Variants in DENND2C observed in about 807,000 individuals in gnomAD.
The protein encoded by DENND2C is DENN domain containing 2C, also known as DENN domain-containing protein 2C.
A neutral mutation model predicts 112.4 loss-of-function variants in DENND2C; 72 were observed. That is an observed-to-expected ratio of 0.64 (90% confidence interval 0.53 to 0.78). The LOEUF is 0.78. Among genes scored for constraint, DENND2C ranks in the 30% least tolerant of loss-of-function variants. DENND2C has a pLI of 0.00. For synonymous variants in DENND2C, 329 were observed against 381.6 expected, an observed-to-expected ratio of 0.86 and a Z score of 1.61; for missense variants, 992 against 1,113.8, an observed-to-expected ratio of 0.89 and a Z score of 1.56.
intron 8 of DENND2C, among the ~76,000 whole-genome samples, chr1:114,616,082 GAAAAGA>G (rs1655960700): frequency 2.7e-5 from 4 of 149,498 alleles, no homozygotes; most frequent in Admixed American, 1.3e-4. Context: ...CAAAAGAAAA[GAAAAGA>G]AAAAGAAAAA....
chr1:114,625,488 A>G lies in DENND2C; in HGVS notation c.497T>C (p.Leu166Ser). Reference sequence around the variant, plus strand: ...TTTTTCTGAAGAGTCACAATGTTCTAAAGCCAAATTTAAGAGTTTATCTGG... The same window carrying G: ...TTTTTCTGAAGAGTCACAATGTTCTGAAGCCAAATTTAAGAGTTTATCTGG... ...LPPDKLLNLA[L>S]EHCDSSEKEL... is the part of the protein sequence containing the mutation. Residue 166 changes from leucine to serine, a missense_variant, in exon 4 of 21, where the codon TTA (leucine) becomes TCA (serine). Transcript: ENST00000393274. The G allele has an allele frequency of 6.2e-7, 1 of 1,614,140 alleles. No homozygotes were observed. The highest frequency in any genetic ancestry group is 8.5e-7 in the Non-Finnish European group (1 of 1,180,004).
Position 114,670,000 on chromosome 1 carries a change from T to A in DENND2C, c.-591A>T, listed in dbSNP as rs1339279914. On this transcript the variant is annotated 5_prime_UTR_variant, in exon 1 of 21. Coordinates refer to ENST00000393274, the MANE Select transcript of DENND2C (RefSeq NM_001256404.2). ...ACTCTTACCTGTCTGTACCTCAACGTTGTCTCCTGTGGCCAAGCTAGTCTC... is the reference window on the plus strand; with the variant it reads ...ACTCTTACCTGTCTGTACCTCAACGATGTCTCCTGTGGCCAAGCTAGTCTC... 6.6e-6 allele frequency: 1 copy of A among 152,498 alleles called. No homozygotes were observed. The highest frequency in any genetic ancestry group is 1.5e-5 in the Non-Finnish European group (1 of 68,330). 9.4% of individuals were successfully genotyped at this position (152,498 alleles called of 1,614,324 possible).
chr1:114,621,793 G>A, intron 7 of DENND2C, 102 bp downstream of exon 7: 1 of 1,421,252 alleles, frequency 7.0e-7, no homozygotes, highest in Non-Finnish European at 9.5e-7. Flanking sequence ...ATCCCAGTAG[G>A]TCAGTTCTAA....
intron 8 of DENND2C, among the ~76,000 whole-genome samples, chr1:114,616,315 C>A (rs1343194456): frequency 6.6e-6 from 1 of 151,552 alleles, no homozygotes; most frequent in African/African-American, 2.4e-5. Context: ...TCACTTGAAT[C>A]CAGAAGGCAG....
Position 114,608,784 on chromosome 1 carries a change from C to T in DENND2C, c.1459G>A (p.Glu487Lys). 6.2e-7 allele frequency: 1 copy of T among 1,614,196 alleles called. No individual in the cohort carries two copies. The change falls in exon 10 of 21, where the codon GAG (glutamate) becomes AAG (lysine). Residue 487 changes from glutamate (E) to lysine (K), a missense_variant. By Grantham distance (56) the Glu-to-Lys change is moderately conservative. Coordinates refer to ENST00000393274, the MANE Select transcript of DENND2C (RefSeq NM_001256404.2). Reference protein sequence around the residue: ...TLERDLIELQEQQLFELFVVV... With the variant: ...TLERDLIELQKQQLFELFVVV... ...ACAAAAAGTTCAAACAGCTGCTGCT[C>T]CTGTAATTCAATAAGATCCCGCTCC...
intron 8 of DENND2C, among the ~76,000 whole-genome samples, chr1:114,612,664 C>T (rs564021527): frequency 1.3e-5 from 2 of 152,070 alleles, no homozygotes; most frequent in East Asian, 3.9e-4. Context: ...GGATTACAGG[C>T]GTGTGCCGCC....
At chr1:114,604,412 A>G (rs1280908484) in intron 11 of DENND2C, among the ~76,000 whole-genome samples, 1 of 152,252 alleles carries the variant, frequency 6.6e-6, no homozygotes, top group Admixed American at 6.5e-5. Context: ...GATACCTGGA[A>G]GAAATCCTTT....
In DENND2C at chr1:114,600,186, A is replaced by G. The variant is rs1273328713; in HGVS notation, c.2105+18T>C. ...ATAAAACACCAGTGTGAAGTAACAT[A>G]TTTCACTTATTTCTTACCTTAGGCT... On this transcript the variant is annotated intron_variant, in intron 15 of 20. Transcript: ENST00000393274. 3 of 1,606,550 alleles carry G rather than the reference A, an allele frequency of 1.9e-6. No homozygotes were observed. The highest frequency in any genetic ancestry group is 2.5e-6 in the Non-Finnish European group (3 of 1,177,138).
intron 13 of DENND2C, 29 bp downstream of exon 13, chr1:114,601,479 A>AT: frequency 6.3e-7 from 1 of 1,595,408 alleles, no homozygotes; most frequent in Non-Finnish European, 8.5e-7. Context: ...AAAGGACACC[A>AT]TTTTTCATAC....
chr1:114,642,035 C>A (rs1211333499), intron 3 of DENND2C, among the ~76,000 whole-genome samples: 2 of 152,112 alleles, frequency 1.3e-5, no homozygotes, highest in Non-Finnish European at 2.9e-5. Flanking sequence ...ACACTGCAAC[C>A]TCTGCCTCCC....
chr1:114,649,208 G>A (rs191427111), intron 2 of DENND2C, among the ~76,000 whole-genome samples: 1 of 152,162 alleles, frequency 6.6e-6, no homozygotes, highest in Admixed American at 6.5e-5. Flanking sequence ...GCCCGCCTTG[G>A]CCTCCCAAAA....
chr1:114,634,178 G>A (rs1352040734), intron 3 of DENND2C, among the ~76,000 whole-genome samples: 6 of 152,182 alleles, frequency 3.9e-5, no homozygotes, highest in African/African-American at 1.2e-4. Context: ...CACAATTTTA[G>A]TTGGGGATTT....
At chr1:114,638,698 G>C (rs1570797304) in intron 3 of DENND2C, among the ~76,000 whole-genome samples, 1 of 146,846 alleles carries the variant, frequency 6.8e-6, no homozygotes, top group African/African-American at 2.5e-5. Context: ...GGGAAGTCAA[G>C]GATGTAGTGA....
intron 20 of DENND2C, among the ~76,000 whole-genome samples, chr1:114,586,014 G>A (rs1451058735): frequency 2.0e-5 from 3 of 152,146 alleles, no homozygotes; most frequent in Non-Finnish European, 2.9e-5. Context: ...ATTGTATAAA[G>A]ATGAAATAAC....
intron 2 of DENND2C, among the ~76,000 whole-genome samples, chr1:114,652,424 G>C (rs903556396): frequency 6.6e-6 from 1 of 152,020 alleles, no homozygotes; most frequent in Admixed American, 6.6e-5. Context: ...TTCTCAAATG[G>C]GGGGTGGGCA....
chr1:114,595,715 G>C (rs1655324504), intron 17 of DENND2C, 117 bp downstream of exon 17: 2 of 912,248 alleles, frequency 2.2e-6, no homozygotes, highest in Non-Finnish European at 3.5e-6. Context: ...AGTATGTGTA[G>C]GAACTAAAAG....
In DENND2C at chr1:114,594,253, G is replaced by A. The variant is rs151212634; in HGVS notation, c.2431+220C>T. 3.3e-3 allele frequency among the ~76,000 whole-genome samples: 495 copies of A among 152,250 alleles called. 3 individuals carry two copies. The highest frequency in any genetic ancestry group is 0.011 in the African/African-American group (470 of 41,528). On this transcript the variant is annotated intron_variant, in intron 18 of 20. Coordinates refer to ENST00000393274, the MANE Select transcript of DENND2C (RefSeq NM_001256404.2). ...GGGCAGGAGTCATGTGGATATCTGC[G>A]GGAATAGCATTCTATAAATGTAACT...
At chr1:114,653,903 T>C (rs1464431610) in intron 2 of DENND2C, among the ~76,000 whole-genome samples, 2 of 152,182 alleles carry the variant, frequency 1.3e-5, no homozygotes, top group African/African-American at 4.8e-5. Flanking sequence ...TAGGTGATGA[T>C]TAAATGTACC....
intron 7 of DENND2C, among the ~76,000 whole-genome samples, chr1:114,619,220 C>A (rs1417499819): frequency 1.3e-5 from 2 of 151,998 alleles, no homozygotes; most frequent in East Asian, 3.9e-4. Context: ...ACACAGAATG[C>A]GGTAAAAAAG....
Sources: gnomAD v4.1 joint callset for allele counts (sites outside exome capture counted in the v4.1 genomes callset) on GRCh38, gnomAD v4.1.1 for gene constraint, MANE v1.5 for transcripts, NCBI Gene and HGNC (gene_info 2026-07-23, HGNC 2026-07-21) for gene names.